PSD2: variants seen among roughly 807,000 people sequenced by gnomAD.
PSD2 encodes PH and SEC7 domain-containing protein 2.
In PSD2, 38 loss-of-function variants were observed where a neutral mutation model predicts 69.8. That is an observed-to-expected ratio of 0.54 (90% CI 0.42 to 0.71). The LOEUF (loss-of-function observed/expected upper bound fraction) is 0.71. Among genes scored for constraint, PSD2 ranks in the 30% least tolerant of loss-of-function variants. The pLI is 0.00. For synonymous variants in PSD2, 412 were observed against 423.0 expected (o/e 0.97, Z 0.32); for missense variants, 943 against 1,014.5 (o/e 0.93, Z 0.96).
the PSD2 span, among the ~76,000 whole-genome samples, chr5:139,747,532 G>T: frequency 4.6e-5 from 7 of 152,220 alleles, no homozygotes; most frequent in Non-Finnish European, 1.0e-4. The surrounding 1 kb of genome is among the most constrained non-coding windows in gnomAD (Gnocchi z 6.7). Flanking sequence ...GGTGGAGGGC[G>T]CCTTCGGCTG....
chr5:139,746,147 A>G, the PSD2 span: 1 of 152,086 alleles, frequency 6.6e-6, no homozygotes, highest in Non-Finnish European at 1.5e-5. This position sits in a 1 kb window ranked among gnomAD's most constrained non-coding sequence, Gnocchi z 4.5. Flanking sequence ...ACAAAACTAT[A>G]TCTAAGCTCC....
intron 9 of PSD2, 43 bp from the exon 10 acceptor site, chr5:139,836,768 G>A (rs771952845): frequency 2.2e-5 from 34 of 1,577,406 alleles, no homozygotes; most frequent in East Asian, 4.5e-5. Context: ...ATGCGGGGCC[G>A]AGGCCTCCCT....
At chr5:139,772,288 T>A in the PSD2 span, among the ~76,000 whole-genome samples, 1 of 152,136 alleles carries the variant, frequency 6.6e-6, no homozygotes, top group Non-Finnish European at 1.5e-5. Flanking sequence ...TCTGAGCCTG[T>A]TTCCTTCTTT....
the PSD2 span, among the ~76,000 whole-genome samples, chr5:139,777,999 G>T: frequency 6.6e-6 from 1 of 152,224 alleles, no homozygotes; most frequent in Non-Finnish European, 1.5e-5. Context: ...TAGAGCCTGG[G>T]AACAAGGCAA....
upstream of PSD2, among the ~76,000 whole-genome samples, chr5:139,790,874 A>T (rs1039741516): frequency 6.6e-6 from 1 of 151,936 alleles, no homozygotes; most frequent in Non-Finnish European, 1.5e-5. Flanking sequence ...CCCTGTCTCT[A>T]CTAAAAATAC....
At chr5:139,828,101 G>A (rs1174446924) in intron 7 of PSD2, among the ~76,000 whole-genome samples, 2 of 152,142 alleles carry the variant, frequency 1.3e-5, no homozygotes, top group East Asian at 3.8e-4. Context: ...CTGAGTGGGG[G>A]ATGTCAGAGA....
chr5:139,763,031 G>A, the PSD2 span, among the ~76,000 whole-genome samples: 4 of 152,086 alleles, frequency 2.6e-5, no homozygotes, highest in Non-Finnish European at 4.4e-5. Context: ...CTGAATCCAC[G>A]GAAGGAAAAA....
At chr5:139,832,321 C>A (rs181058353) in intron 7 of PSD2, among the ~76,000 whole-genome samples, 41 of 152,310 alleles carry the variant, frequency 2.7e-4, no homozygotes, top group African/African-American at 9.4e-4. Context: ...ATATGTAAAT[C>A]TACACAGAAA....
chr5:139,766,831 C>CTCTCTTTCTTTCTTTT, the PSD2 span, among the ~76,000 whole-genome samples: 1 of 32,324 alleles, frequency 3.1e-5, no homozygotes, highest in African/African-American at 6.6e-5. Flanking sequence ...TCCCTTCCTT[C>CTCTCTTTCTTTCTTTT]TTTCTTTCTT....
the PSD2 span, among the ~76,000 whole-genome samples, chr5:139,746,472 C>A: frequency 6.6e-6 from 1 of 152,342 alleles, no homozygotes; most frequent in African/African-American, 2.4e-5. This position sits in a 1 kb window ranked among gnomAD's most constrained non-coding sequence, Gnocchi z 4.5. Context: ...CCTGGGCCCG[C>A]CGAATGGGAT....
In PSD2 at chr5:139,814,226, A is replaced by C. The variant is rs767472450; in HGVS notation, c.878A>C (p.Glu293Ala). 3.1e-6 allele frequency: 5 copies of C among 1,613,680 alleles called. No individual in the cohort carries two copies. The South Asian group carries it at 5.5e-5, about 18-fold the overall frequency. ...TCAGACTCTGAGCTCAGCAGCTCGG[A>C]GGGGTTGGAGCCTGGTAGTGCAGAC... ...SDSDSELSSS[E>A]GLEPGSADPL... The change falls in exon 4 of 15, where the codon GAG becomes GCG. Residue 293 changes from glutamate (E) to alanine (A), a missense_variant. Glu to Ala is a moderately radical substitution (Grantham distance 107, BLOSUM62 -1). Around this residue, in one of 3 missense-constraint regions of PSD2, gnomAD observed 466 missense variants for 445.0 expected, o/e 1.05. Transcript: ENST00000274710. This position sits in a 1 kb window ranked among gnomAD's most constrained non-coding sequence, Gnocchi z 4.4.
the PSD2 span, among the ~76,000 whole-genome samples, chr5:139,751,252 G>C: frequency 3.3e-5 from 5 of 152,128 alleles, no homozygotes; most frequent in African/African-American, 1.2e-4. Context: ...CTGCCTGAGA[G>C]GGGGGCGGAG....
intron 14 of PSD2, among the ~76,000 whole-genome samples, chr5:139,841,464 C>A (rs1760867637): frequency 6.6e-6 from 1 of 152,204 alleles, no homozygotes; most frequent in Non-Finnish European, 1.5e-5. Context: ...ATGAAAAATG[C>A]TGTTATGAAA....
At chr5:139,812,189 C>A (rs372445196) in intron 2 of PSD2, among the ~76,000 whole-genome samples, 5 of 152,058 alleles carry the variant, frequency 3.3e-5, no homozygotes, top group Non-Finnish European at 5.9e-5. Flanking sequence ...ACAATAAATA[C>A]TTATATAGTG....
the PSD2 span, among the ~76,000 whole-genome samples, chr5:139,784,517 A>C: frequency 6.6e-6 from 1 of 152,186 alleles, no homozygotes; most frequent in African/African-American, 2.4e-5. Flanking sequence ...TCTCTGGCCC[A>C]AAACTTTGGT....
chr5:139,763,149 C>G, the PSD2 span, among the ~76,000 whole-genome samples: 1 of 152,032 alleles, frequency 6.6e-6, no homozygotes, highest in African/African-American at 2.4e-5. Flanking sequence ...GAGGAATAAC[C>G]CTGGCAGGAG....
At chr5:139,774,049 C>T in the PSD2 span, among the ~76,000 whole-genome samples, 1 of 152,040 alleles carries the variant, frequency 6.6e-6, no homozygotes, top group African/African-American at 2.4e-5. Context: ...CAGCCTTGAA[C>T]TTCTAGACTC....
intron 1 of PSD2, among the ~76,000 whole-genome samples, chr5:139,805,106 A>T (rs1397899754): frequency 6.6e-6 from 1 of 152,114 alleles, no homozygotes; most frequent in Non-Finnish European, 1.5e-5. Context: ...GCATGTGCCT[A>T]CCCATACCTG....
chr5:139,819,070 T>C (rs1047641918), intron 5 of PSD2, among the ~76,000 whole-genome samples: 9 of 152,250 alleles, frequency 5.9e-5, no homozygotes, highest in African/African-American at 1.9e-4. Flanking sequence ...TTTTCCATCA[T>C]ATATCCTGTC....
Sources: gnomAD v4.1 joint callset for allele counts (sites outside exome capture counted in the v4.1 genomes callset) on GRCh38, gnomAD v4.1.1 for gene constraint, gnomAD v4.1.1 regional missense constraint, Gnocchi (gnomAD v3.1) non-coding constraint, MANE v1.5 for transcripts, NCBI Gene and HGNC (gene_info 2026-07-23, HGNC 2026-07-21) for gene names.